Variants in MYMX observed in about 807,000 individuals in gnomAD.
MYMX encodes protein myomixer.
the MYMX span, among the ~76,000 whole-genome samples, chr6:44,210,505 C>T: frequency 3.4e-4 from 52 of 152,002 alleles, no homozygotes; most frequent in Non-Finnish European, 6.0e-4. Context: ...GGGTGGTCTC[C>T]AAGGCCTGGG....
chr6:44,215,895 AAAT>A (rs918490390), upstream of MYMX, among the ~76,000 whole-genome samples: 4 of 152,102 alleles, frequency 2.6e-5, no homozygotes, highest in African/African-American at 7.2e-5. Context: ...ACTCCGTCTC[AAAT>A]AATAATAATA....
chr6:44,207,540 ATT>A, the MYMX span, among the ~76,000 whole-genome samples: 1 of 142,010 alleles, frequency 7.0e-6, no homozygotes, highest in Non-Finnish European at 1.5e-5. Flanking sequence ...CACAGGAAAG[ATT>A]TTTTTTTTTT....
At chr6:44,208,110 C>T in the MYMX span, among the ~76,000 whole-genome samples, 1 of 151,968 alleles carries the variant, frequency 6.6e-6, no homozygotes. Flanking sequence ...TGCCTGTGGT[C>T]ACAGCTACTT....
At chr6:44,201,438 A>G in the MYMX span, among the ~76,000 whole-genome samples, 1 of 151,974 alleles carries the variant, frequency 6.6e-6, no homozygotes, top group Non-Finnish European at 1.5e-5. Context: ...CCTTGTCAGA[A>G]CTCCTTGTTT....
At chr6:44,200,000 A>G in the MYMX span, among the ~76,000 whole-genome samples, 4 of 152,030 alleles carry the variant, frequency 2.6e-5, no homozygotes, top group South Asian at 2.1e-4. Context: ...TAACATCTTT[A>G]TAACAATTAT....
chr6:44,212,932 G>A (rs973786691), upstream of MYMX, among the ~76,000 whole-genome samples: 1 of 152,024 alleles, frequency 6.6e-6, no homozygotes, highest in Non-Finnish European at 1.5e-5. Context: ...GGAGACTGAG[G>A]TGGGAGGATG....
the MYMX span, among the ~76,000 whole-genome samples, chr6:44,196,719 G>A: frequency 6.6e-6 from 1 of 152,190 alleles, no homozygotes; most frequent in African/African-American, 2.4e-5. Flanking sequence ...AACACTTTGG[G>A]AGGCTGAGGT....
the MYMX span, among the ~76,000 whole-genome samples, chr6:44,197,999 T>C: frequency 6.6e-6 from 1 of 152,158 alleles, no homozygotes; most frequent in Non-Finnish European, 1.5e-5. Context: ...CTTTGTAGTA[T>C]CTTTTGTAGT....
At chr6:44,198,494 TATTTA>T in the MYMX span, among the ~76,000 whole-genome samples, 1 of 151,304 alleles carries the variant, frequency 6.6e-6, no homozygotes, top group Admixed American at 6.6e-5. Context: ...TCTGTGCCTA[TATTTA>T]ATTTAATTTA....
chr6:44,203,994 C>T, the MYMX span, among the ~76,000 whole-genome samples: 1 of 152,002 alleles, frequency 6.6e-6, no homozygotes, highest in Non-Finnish European at 1.5e-5. Context: ...ATTACAGGCA[C>T]GCATCGCCAT....
At position 44,217,828 on chromosome 6, in the gene MYMX, A is replaced by G. The variant is rs2128332471; in HGVS notation, c.*102A>G. On this transcript the variant is annotated 3_prime_UTR_variant, in exon 2 of 2. Coordinates refer to ENST00000573382, the MANE Select transcript of MYMX (RefSeq NM_001315494.2). Reference sequence around the variant, plus strand: ...CCGAAGCCTGCCCAGTGGACAGAAGATATAGTGAGGGTTGTGCATGAGAGG... The same window carrying G: ...CCGAAGCCTGCCCAGTGGACAGAAGGTATAGTGAGGGTTGTGCATGAGAGG... 1 of 400,052 alleles carries G rather than the reference A, an allele frequency of 2.5e-6. No homozygotes were observed. The highest frequency in any genetic ancestry group is 4.4e-6 in the Non-Finnish European group (1 of 226,238). The allele number at this position is 400,052 out of a possible 1,614,324, so 24.8% of individuals were successfully genotyped here.
At chr6:44,209,076 G>A in the MYMX span, among the ~76,000 whole-genome samples, 1 of 152,172 alleles carries the variant, frequency 6.6e-6, no homozygotes, top group Non-Finnish European at 1.5e-5. Context: ...TGATCCTCCT[G>A]CCTCAGCCTC....
upstream of MYMX, among the ~76,000 whole-genome samples, chr6:44,212,306 G>C (rs185589017): frequency 1.3e-3 from 192 of 152,124 alleles, 1 homozygote; most frequent in Middle Eastern, 6.8e-3. Context: ...TGGGAAGGCT[G>C]AGGTGGAAGG....
chr6:44,211,824 T>TGTGTGTGTGTGTGTGTGTGTGTG, the MYMX span, among the ~76,000 whole-genome samples: 1 of 25,344 alleles, frequency 3.9e-5, no homozygotes, highest in African/African-American at 1.5e-4. Flanking sequence ...GTGTGTGTGT[T>TGTGTGTGTGTGTGTGTGTGTGTG]TAGTAGAGAA....
the MYMX span, among the ~76,000 whole-genome samples, chr6:44,193,123 A>G: frequency 6.6e-6 from 1 of 152,144 alleles, no homozygotes; most frequent in Non-Finnish European, 1.5e-5. Flanking sequence ...CAGTTTACTC[A>G]TCTGTCAAGG....
upstream of MYMX, among the ~76,000 whole-genome samples, chr6:44,213,128 G>A (rs540247362): frequency 5.3e-5 from 8 of 152,310 alleles, no homozygotes; most frequent in South Asian, 1.7e-3. Context: ...GCTCACGCCT[G>A]TAATCCCAGC....
the MYMX span, among the ~76,000 whole-genome samples, chr6:44,197,660 G>T: frequency 6.6e-6 from 1 of 152,234 alleles, no homozygotes; most frequent in Non-Finnish European, 1.5e-5. Flanking sequence ...GGGATAACTA[G>T]CTTTTCACAT....
upstream of MYMX, among the ~76,000 whole-genome samples, chr6:44,216,073 C>G (rs1260090589): frequency 6.6e-6 from 1 of 152,228 alleles, no homozygotes; most frequent in Non-Finnish European, 1.5e-5. Flanking sequence ...CTGTGTCCAG[C>G]TGTGCCCAGC....
chr6:44,193,968 G>A, the MYMX span, among the ~76,000 whole-genome samples: 3 of 151,848 alleles, frequency 2.0e-5, no homozygotes, highest in African/African-American at 7.3e-5. Flanking sequence ...TGGGAGACAA[G>A]AGCAAAACTC....
Sources: gnomAD v4.1 joint callset for allele counts (sites outside exome capture counted in the v4.1 genomes callset) on GRCh38, gnomAD v4.1.1 for gene constraint, MANE v1.5 for transcripts, NCBI Gene and HGNC (gene_info 2026-07-23, HGNC 2026-07-21) for gene names.